TAS2R1: variants seen among roughly 807,000 people sequenced by gnomAD.
TAS2R1 encodes taste receptor type 2 member 1.
For synonymous variants in TAS2R1, 141 were observed against 134.2 expected, an observed-to-expected ratio of 1.05 and a Z score of -0.35; for missense variants, 370 against 353.4, an observed-to-expected ratio of 1.05 and a Z score of -0.38.
the TAS2R1 span, among the ~76,000 whole-genome samples, chr5:9,745,506 G>A: frequency 7.2e-5 from 11 of 152,108 alleles, no homozygotes; most frequent in African/African-American, 2.7e-4. Flanking sequence ...CACACTACCT[G>A]ACTTCAAACT....
At chr5:9,724,866 A>G in the TAS2R1 span, among the ~76,000 whole-genome samples, 9 of 152,242 alleles carry the variant, frequency 5.9e-5, no homozygotes, top group South Asian at 6.2e-4. Context: ...CCTGGTTGCA[A>G]TGTAATTCTT....
chr5:9,629,138 G>C lies in TAS2R1; in HGVS notation c.895C>G (p.Gln299Glu). 6.4e-7 allele frequency: 1 copy of C among 1,551,238 alleles called. No individual in the cohort carries two copies. Among genetic ancestry groups the C allele is most frequent in the Non-Finnish European group, 8.7e-7 (1 of 1,151,610 alleles). ...KKFLLHSKCC[Q>E] ...GAACTGATCCAACTTCTCTCTCACT[G>C]ACAGCACTTACTGTGGAGGAGGAAC... The change falls in exon 1 of 1, where the codon CAG becomes GAG. Residue 299 changes from glutamine (Q) to glutamate (E), a missense_variant. Coordinates refer to ENST00000382492, the MANE Select transcript of TAS2R1 (RefSeq NM_019599.3).
chr5:9,780,690 T>C, the TAS2R1 span, among the ~76,000 whole-genome samples: 19 of 152,004 alleles, frequency 1.2e-4, no homozygotes, highest in Non-Finnish European at 2.4e-4. Context: ...TGTGTGTGTG[T>C]GCGCGCGCGC....
intron 1 of TAS2R1, among the ~76,000 whole-genome samples, chr5:9,669,041 T>C (rs774979314): frequency 2.0e-4 from 30 of 152,096 alleles, no homozygotes; most frequent in Non-Finnish European, 3.1e-4. Context: ...ATGACACTCA[T>C]AGGCTCAAAA....
chr5:9,838,169 C>A, the TAS2R1 span, among the ~76,000 whole-genome samples: 1 of 152,148 alleles, frequency 6.6e-6, no homozygotes, highest in Non-Finnish European at 1.5e-5. Context: ...TGGGTATAGA[C>A]CCCAGAATTT....
the TAS2R1 span, among the ~76,000 whole-genome samples, chr5:9,857,223 T>C: frequency 6.6e-6 from 1 of 152,200 alleles, no homozygotes; most frequent in Admixed American, 6.5e-5. Context: ...TACGTTTTAG[T>C]ATTTGACAGT....
chr5:9,763,868 A>G, the TAS2R1 span, among the ~76,000 whole-genome samples: 1 of 152,236 alleles, frequency 6.6e-6, no homozygotes, highest in Non-Finnish European at 1.5e-5. Context: ...CTCCTAACCA[A>G]TCCAACAGAG....
chr5:9,627,358 ATTGTT>A lies in TAS2R1; in HGVS notation c.*1770_*1774del, dbSNP rs1739775696. On this transcript the variant is annotated 3_prime_UTR_variant, in exon 1 of 1. Coordinates refer to ENST00000382492, the MANE Select transcript of TAS2R1 (RefSeq NM_019599.3). Reference sequence around the variant, plus strand: ...AGTAGACTATGAAAATGTTTTTAGAATTGTTTTATTATGAATTCTTTTTTTAAACA... The same window carrying A: ...AGTAGACTATGAAAATGTTTTTAGAATTATTATGAATTCTTTTTTTAAACA... 6.6e-6 allele frequency among the ~76,000 whole-genome samples: 1 copy of A among 150,500 alleles called. No homozygotes were observed. The highest frequency in any genetic ancestry group is 2.1e-4 in the South Asian group (1 of 4,838).
intron 1 of TAS2R1, among the ~76,000 whole-genome samples, chr5:9,674,895 G>A (rs1338761192): frequency 3.3e-5 from 5 of 151,820 alleles, no homozygotes; most frequent in Non-Finnish European, 7.4e-5. Context: ...GGGTATATGG[G>A]CTGGAAAAGG....
the TAS2R1 span, among the ~76,000 whole-genome samples, chr5:9,895,922 A>G: frequency 6.6e-6 from 1 of 152,152 alleles, no homozygotes; most frequent in African/African-American, 2.4e-5. Context: ...TCAACCTCCA[A>G]CCTGTACTGT....
At chr5:9,726,793 T>C in the TAS2R1 span, among the ~76,000 whole-genome samples, 1 of 152,214 alleles carries the variant, frequency 6.6e-6, no homozygotes, top group Non-Finnish European at 1.5e-5. Flanking sequence ...ATTTCCCAAA[T>C]TTAAAACTGG....
chr5:9,835,239 T>C, the TAS2R1 span, among the ~76,000 whole-genome samples: 1 of 152,180 alleles, frequency 6.6e-6, no homozygotes, highest in Non-Finnish European at 1.5e-5. Flanking sequence ...GGGACCCAAA[T>C]ATCTGGCAAC....
At chr5:9,866,094 C>G in the TAS2R1 span, among the ~76,000 whole-genome samples, 1 of 152,122 alleles carries the variant, frequency 6.6e-6, no homozygotes, top group African/African-American at 2.4e-5. Flanking sequence ...TTTTATCTCT[C>G]TGTGTTTTTT....
At chr5:9,747,122 A>G in the TAS2R1 span, among the ~76,000 whole-genome samples, 4 of 152,310 alleles carry the variant, frequency 2.6e-5, no homozygotes, top group Admixed American at 2.0e-4. Flanking sequence ...GAAGATTTCC[A>G]GATGGTGGAT....
chr5:9,842,316 C>CTTT, the TAS2R1 span, among the ~76,000 whole-genome samples: 156 of 116,186 alleles, frequency 1.3e-3, 1 homozygote, highest in Admixed American at 1.4e-3. Flanking sequence ...TTCTTTCTCT[C>CTTT]TTTTTTTTTT....
chr5:9,892,815 C>G, the TAS2R1 span, among the ~76,000 whole-genome samples: 2 of 152,050 alleles, frequency 1.3e-5, no homozygotes, highest in African/African-American at 4.8e-5. Flanking sequence ...ACACTCAAAA[C>G]AAACAAAAAA....
At chr5:9,631,361 T>G (rs918114650), upstream of TAS2R1, among the ~76,000 whole-genome samples, 5 of 152,190 alleles carry the variant, frequency 3.3e-5, no homozygotes, top group African/African-American at 1.2e-4. Flanking sequence ...TGCCTCAGCC[T>G]TCTGAGTAGC....
intron 1 of TAS2R1, among the ~76,000 whole-genome samples, chr5:9,685,397 TA>T (rs1275922852): frequency 3.9e-5 from 6 of 152,066 alleles, no homozygotes; most frequent in African/African-American, 1.4e-4. Context: ...GCTATAGATG[TA>T]ATAATATAAT....
At chr5:9,653,185 C>A (rs1451884311) in intron 2 of TAS2R1, among the ~76,000 whole-genome samples, 1 of 152,202 alleles carries the variant, frequency 6.6e-6, no homozygotes, top group Non-Finnish European at 1.5e-5. Context: ...TGTTGTCCTT[C>A]AGAATCACCC....
Sources: allele counts gnomAD v4.1 joint callset (sites outside exome capture counted in the v4.1 genomes callset), GRCh38; gene constraint gnomAD v4.1.1; transcripts MANE v1.5; gene names NCBI Gene and HGNC (gene_info 2026-07-23, HGNC 2026-07-21).